The following STXBP6 variants were observed in gnomAD, a reference collection of about 807,000 sequenced individuals.
STXBP6 encodes the protein syntaxin-binding protein 6.
STXBP6 carries 21 observed loss-of-function variants against 26.9 expected under a neutral mutation model. The observed-to-expected ratio is 0.78, with a 90% CI of 0.55 to 1.12. The LOEUF (loss-of-function observed/expected upper bound fraction) is 1.12, where lower values mean the gene tolerates loss of function less well. STXBP6 is among the 50% of genes most tolerant of loss of function. The pLI is 0.00. For missense variants in STXBP6, 232 were observed against 257.9 expected, an observed-to-expected ratio of 0.90 and a Z score of 0.69; for synonymous variants, 97 against 92.6, an observed-to-expected ratio of 1.05 and a Z score of -0.27.
chr14:24,996,138 G>A (rs965847618), intron 1 of STXBP6, among the ~76,000 whole-genome samples: 2 of 151,982 alleles, frequency 1.3e-5, no homozygotes, highest in African/African-American at 4.8e-5. Flanking sequence ...AACTTCATGG[G>A]TAAAAGTAAT....
intron 2 of STXBP6, among the ~76,000 whole-genome samples, chr14:24,945,091 C>T (rs2072935535): frequency 7.0e-6 from 1 of 142,350 alleles, no homozygotes; most frequent in African/African-American, 2.6e-5. Flanking sequence ...AATTTATTGG[C>T]TATAAAAACA....
chr14:24,848,697 T>C (rs574124519), intron 4 of STXBP6, among the ~76,000 whole-genome samples: 1 of 151,952 alleles, frequency 6.6e-6, no homozygotes, highest in Non-Finnish European at 1.5e-5. Flanking sequence ...GAAAAAAAAA[T>C]TGCATCTGTG....
At chr14:24,957,235 G>A (rs1372736858) in intron 2 of STXBP6, among the ~76,000 whole-genome samples, 1 of 152,202 alleles carries the variant, frequency 6.6e-6, no homozygotes, top group African/African-American at 2.4e-5. Flanking sequence ...CCCTAGTCAT[G>A]CTCTTACACC....
At chr14:25,015,220 T>TA (rs1049200822) in intron 1 of STXBP6, among the ~76,000 whole-genome samples, 12 of 151,718 alleles carry the variant, frequency 7.9e-5, no homozygotes, top group East Asian at 3.9e-4. Flanking sequence ...AGAACTGCTT[T>TA]AAAAAAAAAT....
intron 2 of STXBP6, among the ~76,000 whole-genome samples, chr14:24,933,490 A>G (rs1025748833): frequency 3.9e-5 from 6 of 152,238 alleles, no homozygotes; most frequent in African/African-American, 1.4e-4. Context: ...AATGGTCAGT[A>G]CAGACACAAT....
intron 1 of STXBP6, among the ~76,000 whole-genome samples, chr14:24,987,482 T>C (rs7149439): frequency 0.17 from 25,395 of 152,246 alleles, 2,176 homozygotes; most frequent in Middle Eastern, 0.26. Flanking sequence ...ACCTGGGGTG[T>C]CCTGATTCTT....
intron 1 of STXBP6, among the ~76,000 whole-genome samples, chr14:24,981,999 T>TATA (rs2074205714): frequency 1.3e-5 from 2 of 152,214 alleles, no homozygotes; most frequent in Non-Finnish European, 2.9e-5. Flanking sequence ...TATATTTACA[T>TATA]GCATAAAGAG....
intron 1 of STXBP6, among the ~76,000 whole-genome samples, chr14:25,008,124 T>A (rs1259092207): frequency 1.3e-5 from 2 of 152,142 alleles, no homozygotes; most frequent in African/African-American, 2.4e-5. Flanking sequence ...GAGTCCCACA[T>A]GAACAAAATG....
At chr14:24,847,771 G>GT (rs1338246839) in intron 4 of STXBP6, among the ~76,000 whole-genome samples, 3 of 152,124 alleles carry the variant, frequency 2.0e-5, no homozygotes, top group South Asian at 2.1e-4. Context: ...CATGTTTTAG[G>GT]TTTTTTTCTT....
chr14:24,878,932 T>C (rs930115774), intron 2 of STXBP6: 6 of 277,970 alleles, frequency 2.2e-5, no homozygotes, highest in South Asian at 3.6e-5. Flanking sequence ...ACACTGTACC[T>C]AAAGTTCTCA....
intron 2 of STXBP6, among the ~76,000 whole-genome samples, chr14:24,868,123 G>A (rs1034455372): frequency 6.6e-6 from 1 of 151,940 alleles, no homozygotes; most frequent in Non-Finnish European, 1.5e-5. Context: ...TGCCTGAGCC[G>A]GGGAGGCAGA....
intron 1 of STXBP6, among the ~76,000 whole-genome samples, chr14:25,028,322 C>T (rs1054473711): frequency 3.3e-5 from 5 of 152,274 alleles, no homozygotes; most frequent in South Asian, 2.1e-4. Flanking sequence ...GCTAATGCTG[C>T]TGGTGACTTT....
At chr14:24,914,609 C>T (rs575225128) in intron 2 of STXBP6, among the ~76,000 whole-genome samples, 15 of 152,280 alleles carry the variant, frequency 9.9e-5, no homozygotes, top group African/African-American at 2.6e-4. Context: ...ATGCCAGGGC[C>T]GCAGCCCCTC....
At chr14:24,882,137 T>C (rs1327407543) in intron 2 of STXBP6, among the ~76,000 whole-genome samples, 1 of 151,534 alleles carries the variant, frequency 6.6e-6, no homozygotes, top group Non-Finnish European at 1.5e-5. Context: ...CCCAGCACTT[T>C]GGGAGGCCGA....
rs180683372 is a variant in STXBP6, at chr14:25,029,864, T to A, written c.-33+20014A>T. On this transcript the variant is annotated intron_variant, in intron 1 of 5. Transcript: ENST00000323944. ...AAAGTTCTTATTTCAAAGAGCTGGA[T>A]AATTCTGCCTCAGAACCTTTATAAC... Among the ~76,000 whole-genome samples the A allele has an allele frequency of 1.4e-4, 21 of 152,262 alleles. No homozygotes were observed. The East Asian group carries it at 4.1e-3, about 29-fold the overall frequency.
intron 4 of STXBP6, among the ~76,000 whole-genome samples, chr14:24,850,908 T>C (rs1205035926): frequency 2.0e-5 from 3 of 152,116 alleles, no homozygotes; most frequent in African/African-American, 2.4e-5. Flanking sequence ...TCTTGAAGAA[T>C]AAATTATTTT....
chr14:25,016,624 T>G (rs1232191165), intron 1 of STXBP6, among the ~76,000 whole-genome samples: 1 of 152,204 alleles, frequency 6.6e-6, no homozygotes, highest in Non-Finnish European at 1.5e-5. Flanking sequence ...TTAAAATGCC[T>G]ACATGTCACA....
chr14:24,836,926 A>C (rs1319119240), intron 4 of STXBP6, among the ~76,000 whole-genome samples: 1 of 152,194 alleles, frequency 6.6e-6, no homozygotes, highest in Non-Finnish European at 1.5e-5. Context: ...AAATGTTTTA[A>C]CATATCATCA....
chr14:25,011,801 T>C (rs1053398747), intron 1 of STXBP6, among the ~76,000 whole-genome samples: 6 of 152,146 alleles, frequency 3.9e-5, no homozygotes, highest in African/African-American at 1.4e-4. Context: ...AGGTGAGCAA[T>C]AGATTGGATC....
Sources: gnomAD v4.1 joint callset for allele counts (sites outside exome capture counted in the v4.1 genomes callset) on GRCh38, gnomAD v4.1.1 for gene constraint, MANE v1.5 for transcripts, NCBI Gene and HGNC (gene_info 2026-07-23, HGNC 2026-07-21) for gene names.